The following IQCE variants were observed in gnomAD, a reference collection of about 807,000 sequenced individuals.
IQCE encodes IQ domain-containing protein E.
In IQCE, 115 loss-of-function variants were observed where a neutral mutation model predicts 96.0. That is an observed-to-expected ratio of 1.20 (90% CI 1.03 to 1.40). The LOEUF is 1.40. IQCE is among the 40% of genes most tolerant of loss of function. The pLI is 0.00. For synonymous variants in IQCE, 412 were observed against 371.2 expected, an observed-to-expected ratio of 1.11 and a Z score of -1.26; for missense variants, 1,041 against 909.1, an observed-to-expected ratio of 1.15 and a Z score of -1.87.
At position 2,589,890 on chromosome 7, in the gene IQCE, G is replaced by A. The variant is rs1314526847; in HGVS notation, c.1045-17G>A. Reference sequence around the variant, plus strand: ...AAATGAGAACTAGTATCTAACACATGTCTGTGTTGCCTCCAGAAACTAAGT... The same window carrying A: ...AAATGAGAACTAGTATCTAACACATATCTGTGTTGCCTCCAGAAACTAAGT... On this transcript the variant is annotated splice_polypyrimidine_tract_variant and intron_variant, in intron 13 of 21. Transcript: ENST00000402050. 1.2e-6 allele frequency: 2 copies of A among 1,604,862 alleles called. No homozygotes were observed. The highest frequency in any genetic ancestry group is 1.7e-6 in the Non-Finnish European group (2 of 1,172,152).
intron 2 of IQCE, among the ~76,000 whole-genome samples, chr7:2,567,583 G>A (rs1324599921): frequency 1.3e-5 from 2 of 152,274 alleles, no homozygotes; most frequent in African/African-American, 4.8e-5. Flanking sequence ...AAAGGAGAGG[G>A]GCAGGAGTGG....
At position 2,582,419 on chromosome 7, in the gene IQCE, G is replaced by A. The variant is rs575930976; in HGVS notation, c.631-161G>A. Among the ~76,000 whole-genome samples, 28 of 152,306 alleles carry A rather than the reference G, an allele frequency of 1.8e-4. No individual in the cohort carries two copies. In the South Asian group the frequency reaches 5.6e-3, roughly 30 times the overall value. Reference sequence around the variant, plus strand: ...CCTTACTCAGGGACAGGACAGCACAGTGGGGCCCTCCCTCTTCCCTGGGCC... The same window carrying A: ...CCTTACTCAGGGACAGGACAGCACAATGGGGCCCTCCCTCTTCCCTGGGCC... On this transcript the variant is annotated intron_variant, in intron 8 of 21. Coordinates refer to ENST00000402050, the MANE Select transcript of IQCE (RefSeq NM_152558.5).
intron 1 of IQCE, among the ~76,000 whole-genome samples, chr7:2,563,755 G>A (rs544490046): frequency 8.6e-5 from 13 of 151,750 alleles, no homozygotes; most frequent in African/African-American, 2.2e-4. Flanking sequence ...TTAGCCGGGC[G>A]TGGTGGCAGG....
intron 3 of IQCE, among the ~76,000 whole-genome samples, chr7:2,569,668 G>C (rs997740760): frequency 8.5e-5 from 13 of 152,138 alleles, no homozygotes; most frequent in African/African-American, 3.1e-4. Flanking sequence ...GTAAATCCTA[G>C]GCCGGCATCC....
rs1695243647 is a variant in IQCE at position 2,593,058 on chromosome 7, C to A, written c.1281C>A (p.Asp427Glu). ...AGCAGCTCCTGCAGGCGAAGGCCGA[C>A]CTGGAGAAGGAGCTGGAGTGCGCGA... ...EVKQLLQAKA[D>E]LEKELECARE... Residue 427 changes from aspartate to glutamate, a missense_variant, in exon 15 of 22, where the codon GAC becomes GAA. By Grantham distance (45) the Asp-to-Glu change is conservative. Transcript: ENST00000402050. 1.2e-6 allele frequency: 2 copies of A among 1,611,102 alleles called. No homozygotes were observed. The highest frequency in any genetic ancestry group is 1.7e-6 in the Non-Finnish European group (2 of 1,177,620).
At chr7:2,559,783 C>CGG (rs1562610692) in intron 1 of IQCE, among the ~76,000 whole-genome samples, 1 of 17,100 alleles carries the variant, frequency 5.8e-5, no homozygotes, top group African/African-American at 1.6e-4. Flanking sequence ...GGGGGGGGGG[C>CGG]GGAGGGACAA....
At chr7:2,584,567 G>T in intron 11 of IQCE, 1 of 412,476 alleles carries the variant, frequency 2.4e-6, no homozygotes, top group Non-Finnish European at 4.4e-6. Context: ...GAGCTAGAAA[G>T]TGCTGTTTCA....
chr7:2,565,501 C>G (rs1440106470), intron 1 of IQCE, among the ~76,000 whole-genome samples: 2 of 152,130 alleles, frequency 1.3e-5, no homozygotes. Flanking sequence ...TTCAAAAAGT[C>G]TTCAAGATTT....
Position 2,595,937 on chromosome 7 carries a change from G to A in IQCE, c.1440+961G>A, listed in dbSNP as rs539893099. 3.1e-3 allele frequency among the ~76,000 whole-genome samples: 472 copies of A among 152,320 alleles called. 1 individual carries two copies. The highest frequency in any genetic ancestry group is 0.011 in the African/African-American group (442 of 41,572). On this transcript the variant is annotated intron_variant, in intron 16 of 21. Coordinates refer to ENST00000402050, the MANE Select transcript of IQCE (RefSeq NM_152558.5). Reference sequence around the variant, plus strand: ...CAGCCATGCTCTGCTCACCATGGCCGGCGCTGCCTGCACTTGCACTTCTGG... The same window carrying A: ...CAGCCATGCTCTGCTCACCATGGCCAGCGCTGCCTGCACTTGCACTTCTGG...
chr7:2,606,382 C>T (rs775137247), intron 20 of IQCE, among the ~76,000 whole-genome samples: 6 of 152,028 alleles, frequency 3.9e-5, no homozygotes, highest in Non-Finnish European at 8.8e-5. Flanking sequence ...GTGTTGGACA[C>T]GGCATATGAC....
At chr7:2,594,353 CAT>C (rs1783851591) in intron 15 of IQCE, among the ~76,000 whole-genome samples, 2 of 141,036 alleles carry the variant, frequency 1.4e-5, no homozygotes, top group South Asian at 2.2e-4. Context: ...TGAAAGGGCA[CAT>C]GTGCAGAAAT....
rs1194909645 is a variant in IQCE, at chr7:2,586,325, C to A, written c.942C>A (p.Asp314Glu). ...AAGAGAACCAGAGCCTGAAGGAGGA[C>A]CTGGACCGCGTGCTGAGCACCTCCC... ...LTEENQSLKE[D>E]LDRVLSTSPT... is the part of the protein sequence containing the mutation. Residue 314 changes from aspartate to glutamate, a missense_variant, in exon 12 of 22, where the codon GAC becomes GAA. By Grantham distance (45) the Asp-to-Glu change is conservative. Coordinates refer to ENST00000402050, the MANE Select transcript of IQCE (RefSeq NM_152558.5). 1 of 1,613,864 alleles carries A rather than the reference C, an allele frequency of 6.2e-7. No individual in the cohort carries two copies. Among genetic ancestry groups the A allele is most frequent in the Non-Finnish European group, 8.5e-7 (1 of 1,179,912 alleles).
intron 3 of IQCE, among the ~76,000 whole-genome samples, chr7:2,569,635 C>A (rs1464102902): frequency 1.3e-5 from 2 of 152,182 alleles, no homozygotes; most frequent in East Asian, 3.8e-4. Context: ...CGACCTTGTG[C>A]GTACGAATGT....
At chr7:2,607,461 A>G in intron 21 of IQCE, 2 of 1,310,176 alleles carry the variant, frequency 1.5e-6, no homozygotes, top group South Asian at 4.4e-5. Context: ...TGCTGTCTTT[A>G]TTTTTTGCTC....
intron 15 of IQCE, among the ~76,000 whole-genome samples, chr7:2,594,183 C>T (rs939623145): frequency 9.9e-5 from 15 of 152,156 alleles, no homozygotes; most frequent in African/African-American, 3.6e-4. Context: ...TAGCTTGAAC[C>T]CGGGCAGCAG....
At chr7:2,561,567 C>A (rs1780961939) in intron 1 of IQCE, among the ~76,000 whole-genome samples, 1 of 152,004 alleles carries the variant, frequency 6.6e-6, no homozygotes, top group Non-Finnish European at 1.5e-5. Flanking sequence ...ACTACAGGCG[C>A]CCGCCACCAT....
chr7:2,560,384 G>A (rs1780855257), intron 1 of IQCE, among the ~76,000 whole-genome samples: 1 of 152,246 alleles, frequency 6.6e-6, no homozygotes, highest in South Asian at 2.1e-4. Flanking sequence ...CCTTTGGAAG[G>A]TTTCACATCA....
chr7:2,595,726 T>G (rs190477227), intron 16 of IQCE, among the ~76,000 whole-genome samples: 18 of 147,394 alleles, frequency 1.2e-4, no homozygotes, highest in African/African-American at 4.5e-4. Flanking sequence ...CGGCGCTGCC[T>G]GCACTTGCCT....
At chr7:2,586,510 G>C in intron 12 of IQCE, 139 bp downstream of exon 12, 1 of 925,004 alleles carries the variant, frequency 1.1e-6, no homozygotes, top group Non-Finnish European at 1.6e-6. Flanking sequence ...GTTCCCACAT[G>C]TGCCAGCACC....
Sources: allele counts gnomAD v4.1 joint callset (sites outside exome capture counted in the v4.1 genomes callset), GRCh38; gene constraint gnomAD v4.1.1; transcripts MANE v1.5; gene names NCBI Gene and HGNC (gene_info 2026-07-23, HGNC 2026-07-21).